ITSN1: variants seen among roughly 807,000 people sequenced by gnomAD.
ITSN1 encodes the protein intersectin 1.
A neutral mutation model predicts 239.8 loss-of-function variants in ITSN1; 58 were observed. That is an observed-to-expected ratio of 0.24 (90% confidence interval 0.20 to 0.30). The LOEUF is 0.30. Among genes scored for constraint, ITSN1 ranks in the 10% least tolerant of loss-of-function variants. The pLI is 1.00. For missense variants in ITSN1, 1,558 were observed against 2,103.3 expected (o/e 0.74, Z 5.07); for synonymous variants, 780 against 770.8 (o/e 1.01, Z -0.20).
chr21:33,676,354 C>T (rs549404103), intron 1 of ITSN1, among the ~76,000 whole-genome samples: 4 of 152,144 alleles, frequency 2.6e-5, no homozygotes, highest in South Asian at 2.1e-4. Context: ...CAAGATTTTA[C>T]GAATATTAAC....
rs1198815534 is a variant in ITSN1, at chr21:33,817,253, C to G, written c.2728-1014C>G. The G allele has an allele frequency of 3.8e-6, 5 of 1,302,790 alleles. No homozygotes were observed. In the African/African-American group the frequency reaches 7.6e-5, roughly 20 times the overall value. The allele number at this position is 1,302,790 out of a possible 1,614,324, so 80.7% of individuals were successfully genotyped here. A position where few individuals can be genotyped will look rare whatever the true frequency, so the allele number is the denominator to read the frequency against. On this transcript the variant is annotated intron_variant, in intron 22 of 39. Transcript: ENST00000381318. ...CAGCCTGACTTCCTCCTCCACCCCTCCATGAGACTAGGCCACATGCAGCCC... is the reference window on the plus strand; with the variant it reads ...CAGCCTGACTTCCTCCTCCACCCCTGCATGAGACTAGGCCACATGCAGCCC...
intron 28 of ITSN1, 78 bp downstream of exon 28, chr21:33,834,502 A>G: frequency 9.8e-7 from 1 of 1,020,716 alleles, no homozygotes; most frequent in Non-Finnish European, 1.5e-6. Context: ...CTCATTAAAT[A>G]TCTTAGGTTG....
intron 6 of ITSN1, 116 bp downstream of exon 6, chr21:33,750,438 G>A (rs2067474421): frequency 4.3e-6 from 4 of 933,584 alleles, no homozygotes; most frequent in Non-Finnish European, 6.5e-6. Context: ...TTAGTCCAGA[G>A]GAAAATATCT....
intron 29 of ITSN1, chr21:33,837,321 A>G: frequency 1.9e-6 from 2 of 1,076,834 alleles, no homozygotes; most frequent in Non-Finnish European, 2.3e-6. Context: ...TAGTTTTAAA[A>G]TTATTTTTAA....
intron 29 of ITSN1, 35 bp downstream of exon 29, chr21:33,836,667 C>G (rs765876968): frequency 6.6e-7 from 1 of 1,525,458 alleles, no homozygotes; most frequent in South Asian, 1.1e-5. Flanking sequence ...CCTCGCCTCT[C>G]TGGTATCTTC....
At chr21:33,752,804 C>G (rs1338632970) in intron 7 of ITSN1, among the ~76,000 whole-genome samples, 2 of 144,706 alleles carry the variant, frequency 1.4e-5, no homozygotes, top group Non-Finnish European at 3.0e-5. Context: ...CCACTGCACT[C>G]TTGCCTGGGT....
At chr21:33,706,232 T>G (rs1466952794) in intron 1 of ITSN1, among the ~76,000 whole-genome samples, 1 of 152,094 alleles carries the variant, frequency 6.6e-6, no homozygotes, top group Non-Finnish European at 1.5e-5. Context: ...TTGGCCAGGC[T>G]GGTCTGGAAC....
chr21:33,715,173 A>T (rs1393665867), intron 1 of ITSN1, among the ~76,000 whole-genome samples: 1 of 152,186 alleles, frequency 6.6e-6, no homozygotes, highest in Non-Finnish European at 1.5e-5. Context: ...TACAAAAATT[A>T]TTGCTATCAC....
intron 28 of ITSN1, among the ~76,000 whole-genome samples, chr21:33,835,193 CA>C (rs1367329194): frequency 1.4e-4 from 21 of 152,172 alleles, no homozygotes; most frequent in Non-Finnish European, 2.9e-4. Flanking sequence ...GCAGCCTTCT[CA>C]AGAAATTAAA....
At chr21:33,650,016 G>A (rs1359249626) in intron 1 of ITSN1, among the ~76,000 whole-genome samples, 2 of 146,718 alleles carry the variant, frequency 1.4e-5, no homozygotes, top group African/African-American at 2.6e-5. Context: ...GCGACAGAGC[G>A]AGACTCTGTC....
intron 16 of ITSN1, among the ~76,000 whole-genome samples, chr21:33,784,477 T>A (rs2070480750): frequency 6.6e-6 from 1 of 152,194 alleles, no homozygotes; most frequent in Admixed American, 6.5e-5. Context: ...CACTCCTGCC[T>A]GGGCAACAGA....
intron 29 of ITSN1, among the ~76,000 whole-genome samples, chr21:33,845,633 G>C (rs1354249594): frequency 2.6e-5 from 4 of 152,014 alleles, no homozygotes; most frequent in Non-Finnish European, 2.9e-5. Flanking sequence ...TCACCTCCTC[G>C]AGGAAGCCTT....
At chr21:33,833,574 G>A (rs2074419019) in intron 27 of ITSN1, among the ~76,000 whole-genome samples, 2 of 152,196 alleles carry the variant, frequency 1.3e-5, no homozygotes, top group Admixed American at 6.5e-5. Flanking sequence ...CTCATAAAAA[G>A]TACTCAGTGA....
chr21:33,813,982 C>G lies in ITSN1; in HGVS notation c.2637C>G (p.Leu879=), dbSNP rs763661601. The change falls in exon 22 of 40, where the codon CTC becomes CTG. Residue 879 remains leucine (L), a synonymous_variant. Coordinates refer to ENST00000381318, the MANE Select transcript of ITSN1 (RefSeq NM_003024.3). The stretch of plus-strand genomic sequence containing the variant: ...ATGCATGGGCAGCCCAGCCCTCTCT[C>G]ACCGTTCCAAGTGCCGGCCAGTTAA... ...NWDAWAAQPS[L]TVPSAGQLRQ... 6.2e-7 allele frequency: 1 copy of G among 1,614,186 alleles called. No homozygotes were observed. Among genetic ancestry groups the G allele is most frequent in the South Asian group, 1.1e-5 (1 of 91,086 alleles).
chr21:33,726,929 G>C (rs765066056), intron 4 of ITSN1, among the ~76,000 whole-genome samples: 4 of 152,214 alleles, frequency 2.6e-5, no homozygotes, highest in Non-Finnish European at 5.9e-5. Flanking sequence ...GATACGAACT[G>C]ATGGACAGTA....
intron 8 of ITSN1, among the ~76,000 whole-genome samples, chr21:33,759,167 A>G (rs768888711): frequency 5.9e-5 from 9 of 152,236 alleles, no homozygotes; most frequent in South Asian, 2.1e-4. Flanking sequence ...TAGCATGACA[A>G]CAACCATATA....
intron 1 of ITSN1, among the ~76,000 whole-genome samples, chr21:33,689,892 C>T (rs1395764901): frequency 1.4e-5 from 2 of 146,720 alleles, no homozygotes; most frequent in Non-Finnish European, 3.0e-5. Context: ...CGCTTGAAAT[C>T]GGGAGGTGGA....
At chr21:33,813,302 G>A (rs1207352017) in intron 21 of ITSN1, among the ~76,000 whole-genome samples, 1 of 151,786 alleles carries the variant, frequency 6.6e-6, no homozygotes, top group African/African-American at 2.4e-5. Flanking sequence ...TTGTGTCTCA[G>A]CCTCCCAAGT....
chr21:33,647,323 A>G (rs2088053005), intron 1 of ITSN1, among the ~76,000 whole-genome samples: 1 of 152,192 alleles, frequency 6.6e-6, no homozygotes, highest in Non-Finnish European at 1.5e-5. Context: ...GCATATGGCT[A>G]TTCATATACA....
Sources: gnomAD v4.1 joint callset for allele counts (sites outside exome capture counted in the v4.1 genomes callset) on GRCh38, gnomAD v4.1.1 for gene constraint, MANE v1.5 for transcripts, NCBI Gene and HGNC (gene_info 2026-07-23, HGNC 2026-07-21) for gene names.